CCDC171: variants seen among roughly 807,000 people sequenced by gnomAD.
CCDC171 encodes coiled-coil domain containing 171.
In CCDC171, 177 loss-of-function variants were observed where a neutral mutation model predicts 168.2. The observed-to-expected ratio is 1.05, with a 90% CI of 0.93 to 1.19. The LOEUF (loss-of-function observed/expected upper bound fraction) is 1.19, where lower values mean the gene tolerates loss of function less well. Ranked by LOEUF, CCDC171 falls within the 50% of genes most tolerant of loss-of-function variation. CCDC171 has a pLI of 0.00. For synonymous variants in CCDC171, 687 were observed against 540.8 expected (o/e 1.27, Z -3.75); for missense variants, 1,991 against 1,539.0 (o/e 1.29, Z -4.91).
At chr9:15,704,790 T>C (rs2052077161) in intron 11 of CCDC171, among the ~76,000 whole-genome samples, 1 of 152,142 alleles carries the variant, frequency 6.6e-6, no homozygotes, top group African/African-American at 2.4e-5. Context: ...AGAAGTTATT[T>C]ACCGAGAGGA....
At chr9:16,097,940 T>G in the CCDC171 span, among the ~76,000 whole-genome samples, 87 of 152,332 alleles carry the variant, frequency 5.7e-4, no homozygotes, top group African/African-American at 2.0e-3. Flanking sequence ...CAACTTTATG[T>G]TGGTACCAGT....
At chr9:15,635,722 T>A (rs1451954268) in intron 7 of CCDC171, among the ~76,000 whole-genome samples, 1 of 152,242 alleles carries the variant, frequency 6.6e-6, no homozygotes, top group Non-Finnish European at 1.5e-5. Flanking sequence ...TTCCACTCTT[T>A]CAGCCATAAT....
At chr9:15,728,121 C>A in intron 15 of CCDC171, 85 bp downstream of exon 15, 1 of 1,005,592 alleles carries the variant, frequency 9.9e-7, no homozygotes, top group Non-Finnish European at 1.4e-6. Flanking sequence ...GGCTGACATT[C>A]ATCTTATTTC....
intron 25 of CCDC171, among the ~76,000 whole-genome samples, chr9:15,926,893 C>A (rs1460388149): frequency 6.6e-6 from 1 of 151,586 alleles, no homozygotes; most frequent in Non-Finnish European, 1.5e-5. Context: ...ACTAAAACAA[C>A]CCTTATATCA....
At chr9:15,635,236 C>G (rs552143633) in intron 7 of CCDC171, among the ~76,000 whole-genome samples, 1 of 152,266 alleles carries the variant, frequency 6.6e-6, no homozygotes, top group African/African-American at 2.4e-5. Context: ...GTAGATAAGC[C>G]AGCAGTGCAG....
chr9:15,675,191 T>TG (rs1333760315), intron 9 of CCDC171, among the ~76,000 whole-genome samples: 1 of 143,618 alleles, frequency 7.0e-6, no homozygotes, highest in Admixed American at 7.0e-5. Flanking sequence ...ACTCCTGTTT[T>TG]TTTTTTTTTT....
rs574661153 is a variant in CCDC171 at position 15,904,330 on chromosome 9, G to A, written c.3601-15940G>A. 1.2e-4 allele frequency among the ~76,000 whole-genome samples: 18 copies of A among 152,242 alleles called. No individual in the cohort carries two copies. In the South Asian group the frequency reaches 2.3e-3, roughly 19 times the overall value. On this transcript the variant is annotated intron_variant, in intron 24 of 25. Coordinates refer to ENST00000380701, the MANE Select transcript of CCDC171 (RefSeq NM_173550.4). ...CCATCAGACTAACAGTGGATCTCTC[G>A]GCAGAAACTCTACAAGCCAGAAGAC...
intron 9 of CCDC171, among the ~76,000 whole-genome samples, chr9:15,668,577 A>C (rs1037400811): frequency 1.3e-5 from 2 of 152,128 alleles, no homozygotes; most frequent in Non-Finnish European, 2.9e-5. Flanking sequence ...ATAAATAAAT[A>C]ATGACAAGTA....
intron 9 of CCDC171, among the ~76,000 whole-genome samples, chr9:15,672,046 C>G (rs1049627453): frequency 6.6e-6 from 1 of 152,316 alleles, no homozygotes; most frequent in East Asian, 1.9e-4. Flanking sequence ...GCCATTCTAA[C>G]TGGTGTGAGA....
intron 21 of CCDC171, among the ~76,000 whole-genome samples, chr9:15,828,394 G>C (rs762513275): frequency 1.3e-5 from 2 of 151,576 alleles, no homozygotes; most frequent in African/African-American, 2.4e-5. Flanking sequence ...AAAGTGTTCA[G>C]TAACATCCAG....
chr9:15,693,715 TATA>T (rs2050998981), intron 10 of CCDC171, among the ~76,000 whole-genome samples: 1 of 152,158 alleles, frequency 6.6e-6, no homozygotes, highest in African/African-American at 2.4e-5. Context: ...AAGTTTGTCT[TATA>T]ATATCTATTC....
intron 24 of CCDC171, 47 bp from the exon 25 acceptor site, chr9:15,920,223 G>T (rs760619978): frequency 3.4e-6 from 4 of 1,192,344 alleles, no homozygotes; most frequent in South Asian, 4.1e-5. Flanking sequence ...TCTCCTTTGG[G>T]GACATATTTA....
At chr9:15,809,822 A>G (rs1036013190) in intron 21 of CCDC171, among the ~76,000 whole-genome samples, 1 of 152,210 alleles carries the variant, frequency 6.6e-6, no homozygotes, top group African/African-American at 2.4e-5. Context: ...ACGGGTTGCC[A>G]CTGCTGCCTG....
intron 7 of CCDC171, among the ~76,000 whole-genome samples, chr9:15,626,868 T>G (rs553170444): frequency 6.6e-6 from 1 of 152,198 alleles, no homozygotes; most frequent in African/African-American, 2.4e-5. Flanking sequence ...TTTCTAATGA[T>G]TGAAATAGTT....
chr9:15,756,149 T>C (rs1318019799), intron 18 of CCDC171, among the ~76,000 whole-genome samples: 3 of 152,164 alleles, frequency 2.0e-5, no homozygotes, highest in Non-Finnish European at 2.9e-5. Context: ...AAGGGATATT[T>C]TGTAGATGGA....
intron 3 of CCDC171, among the ~76,000 whole-genome samples, chr9:15,988,810 C>T (rs1353417408): frequency 1.3e-5 from 2 of 152,198 alleles, no homozygotes; most frequent in Non-Finnish European, 2.9e-5. Context: ...GGGTCCCAAG[C>T]CCATGGAGCC....
At chr9:15,633,204 G>T (rs970377986) in intron 7 of CCDC171, among the ~76,000 whole-genome samples, 3 of 152,156 alleles carry the variant, frequency 2.0e-5, no homozygotes, top group African/African-American at 7.2e-5. Context: ...CTCCTACACA[G>T]CAAAAGAAAC....
Position 15,601,667 on chromosome 9 carries a change from A to T in CCDC171, c.675+7495A>T, listed in dbSNP as rs368608993. Among the ~76,000 whole-genome samples, 5 of 152,342 alleles carry T rather than the reference A, an allele frequency of 3.3e-5. No individual in the cohort carries two copies. The East Asian group carries it at 5.8e-4, about 18-fold the overall frequency. The stretch of plus-strand genomic sequence containing the variant: ...AAAATATTGTTTGATAAAATTTTAA[A>T]TAAAATGCTGTAGTGCCACAGAAGA... On this transcript the variant is annotated intron_variant, in intron 6 of 25. Coordinates refer to ENST00000380701, the MANE Select transcript of CCDC171 (RefSeq NM_173550.4).
chr9:15,863,355 C>A (rs1191594839), intron 23 of CCDC171, among the ~76,000 whole-genome samples: 1 of 151,922 alleles, frequency 6.6e-6, no homozygotes, highest in East Asian at 1.9e-4. Flanking sequence ...CTTGAATTTC[C>A]ATAAAGGGAA....
Sources: gnomAD v4.1 joint callset for allele counts (sites outside exome capture counted in the v4.1 genomes callset) on GRCh38, gnomAD v4.1.1 for gene constraint, MANE v1.5 for transcripts, NCBI Gene and HGNC (gene_info 2026-07-23, HGNC 2026-07-21) for gene names.